The following ABHD3 variants were observed in gnomAD, a reference collection of about 807,000 sequenced individuals.
ABHD3 encodes phospholipase ABHD3.
ABHD3 carries 46 observed loss-of-function variants against 48.8 expected under a neutral mutation model. The observed-to-expected ratio is 0.94, with a 90% confidence interval of 0.74 to 1.20. ABHD3 has a LOEUF of 1.20. Among genes scored for constraint, ABHD3 ranks in the 50% most tolerant of loss-of-function variants. The pLI is 0.00. For synonymous variants in ABHD3, 192 were observed against 183.7 expected (o/e 1.04, Z -0.36); for missense variants, 490 against 497.8 (o/e 0.98, Z 0.15).
At chr18:21,672,765 T>C (rs1042230286) in intron 4 of ABHD3, among the ~76,000 whole-genome samples, 3 of 152,318 alleles carry the variant, frequency 2.0e-5, no homozygotes, top group South Asian at 2.1e-4. Context: ...GTTAATTAAA[T>C]AATGAGTCAG....
intron 3 of ABHD3, among the ~76,000 whole-genome samples, chr18:21,689,752 C>T (rs983164502): frequency 6.8e-6 from 1 of 146,940 alleles, no homozygotes; most frequent in Admixed American, 6.8e-5. Flanking sequence ...ATATGTGAAA[C>T]ACACTACAAG....
rs1265649989 is a variant in ABHD3, at chr18:21,651,407, T to C, written c.*184A>G. ...ATCTACGTAAGTAACAATCTAATACTATATTTAATTTGTTGCTACAAAGTT... is the reference window on the plus strand; with the variant it reads ...ATCTACGTAAGTAACAATCTAATACCATATTTAATTTGTTGCTACAAAGTT... On this transcript the variant is annotated 3_prime_UTR_variant, in exon 9 of 9. Transcript: ENST00000289119. 3.7e-6 allele frequency: 2 copies of C among 547,646 alleles called. No individual in the cohort carries two copies. The highest frequency in any genetic ancestry group is 3.6e-5 in the Admixed American group (1 of 27,522). 33.9% of individuals were successfully genotyped at this position (547,646 alleles called of 1,614,324 possible). A position where few individuals can be genotyped will look rare whatever the true frequency, so the allele number is the denominator to read the frequency against.
At chr18:21,695,429 A>T (rs1454984082) in intron 3 of ABHD3, among the ~76,000 whole-genome samples, 4 of 152,196 alleles carry the variant, frequency 2.6e-5, no homozygotes, top group African/African-American at 9.7e-5. Flanking sequence ...TTAAAGGAAG[A>T]TGGTACCTTT....
chr18:21,673,008 C>T (rs2039789342), intron 4 of ABHD3, among the ~76,000 whole-genome samples: 1 of 152,198 alleles, frequency 6.6e-6, no homozygotes, highest in African/African-American at 2.4e-5. Flanking sequence ...GCCGTGCATG[C>T]TCATGATGTC....
At chr18:21,695,755 G>C (rs1362727158) in intron 3 of ABHD3, among the ~76,000 whole-genome samples, 1 of 152,116 alleles carries the variant, frequency 6.6e-6, no homozygotes, top group Admixed American at 6.6e-5. Context: ...AGAGAAATAA[G>C]TTTATACCGT....
intron 3 of ABHD3, among the ~76,000 whole-genome samples, chr18:21,700,917 C>A (rs78033594): frequency 2.2e-5 from 3 of 136,268 alleles, no homozygotes; most frequent in Non-Finnish European, 3.0e-5. Flanking sequence ...CATGCCACTG[C>A]GCTCCATGCT....
At chr18:21,668,648 C>G (rs1163818431) in intron 4 of ABHD3, among the ~76,000 whole-genome samples, 3 of 152,104 alleles carry the variant, frequency 2.0e-5, no homozygotes, top group Non-Finnish European at 2.9e-5. Context: ...TAATAAGAAC[C>G]TAATTCTTGT....
intron 5 of ABHD3, among the ~76,000 whole-genome samples, chr18:21,661,102 TAAAAA>T (rs35710540): frequency 1.7e-5 from 1 of 57,226 alleles, no homozygotes; most frequent in African/African-American, 7.0e-5. Context: ...AACTACAAGC[TAAAAA>T]AAAAAAAAAA....
chr18:21,703,796 C>G, intron 1 of ABHD3, 49 bp from the exon 2 acceptor site: 17 of 1,580,520 alleles, frequency 1.1e-5, no homozygotes, highest in Non-Finnish European at 1.3e-5. Flanking sequence ...AAGTTTCTGC[C>G]AACCGTAAAC....
chr18:21,659,126 A>C (rs1158898786), intron 6 of ABHD3, 44 bp downstream of exon 6: 22 of 1,581,594 alleles, frequency 1.4e-5, no homozygotes, highest in Non-Finnish European at 1.9e-5. Flanking sequence ...GGCGTGAGCC[A>C]CCGGGCCCGG....
At chr18:21,664,422 T>C in intron 4 of ABHD3, 192 bp from the exon 5 acceptor site, 1 of 534,170 alleles carries the variant, frequency 1.9e-6, no homozygotes, top group Non-Finnish European at 3.2e-6. Flanking sequence ...GTCAGCACAG[T>C]TAGAGTTGGC....
At chr18:21,687,455 C>A (rs2040153077) in intron 3 of ABHD3, among the ~76,000 whole-genome samples, 1 of 152,172 alleles carries the variant, frequency 6.6e-6, no homozygotes, top group African/African-American at 2.4e-5. Context: ...TCGTGATCCA[C>A]CTGCCTTGGC....
chr18:21,666,074 C>T (rs1362498800), intron 4 of ABHD3, among the ~76,000 whole-genome samples: 1 of 151,928 alleles, frequency 6.6e-6, no homozygotes, highest in Non-Finnish European at 1.5e-5. Context: ...CTCTGTCGCC[C>T]AGGCTGGGGT....
chr18:21,681,151 T>G (rs1248990600), intron 4 of ABHD3, among the ~76,000 whole-genome samples: 1 of 152,124 alleles, frequency 6.6e-6, no homozygotes, highest in Non-Finnish European at 1.5e-5. Context: ...TGTCTCTCTC[T>G]TGCTTGCCTA....
chr18:21,680,948 C>CAACTTCTGG (rs1415696178), intron 4 of ABHD3, among the ~76,000 whole-genome samples: 1 of 151,274 alleles, frequency 6.6e-6, no homozygotes, highest in Non-Finnish European at 1.5e-5. Context: ...GGCTGGTCTT[C>CAACTTCTGG]AACTTCTGGG....
At chr18:21,668,424 T>A (rs2039686837) in intron 4 of ABHD3, among the ~76,000 whole-genome samples, 1 of 152,092 alleles carries the variant, frequency 6.6e-6, no homozygotes, top group Admixed American at 6.6e-5. Flanking sequence ...TTTAACTATA[T>A]GTGTATATGT....
chr18:21,657,220 A>G, intron 6 of ABHD3, 68 bp from the exon 7 acceptor site: 4 of 1,435,706 alleles, frequency 2.8e-6, no homozygotes, highest in Middle Eastern at 2.5e-4. Flanking sequence ...AAAGGACTTA[A>G]AAACAAATTA....
intron 5 of ABHD3, among the ~76,000 whole-genome samples, chr18:21,663,307 A>G (rs1198050275): frequency 6.6e-6 from 1 of 152,196 alleles, no homozygotes; most frequent in Non-Finnish European, 1.5e-5. Flanking sequence ...CAGATAAACC[A>G]ATTATAAAAT....
At chr18:21,696,518 ATAT>A (rs1330259896) in intron 3 of ABHD3, among the ~76,000 whole-genome samples, 4 of 152,184 alleles carry the variant, frequency 2.6e-5, no homozygotes, top group South Asian at 2.1e-4. Context: ...AGAAAACAAG[ATAT>A]TATTAATGTA....
Sources: allele counts gnomAD v4.1 joint callset (sites outside exome capture counted in the v4.1 genomes callset), GRCh38; gene constraint gnomAD v4.1.1; transcripts MANE v1.5; gene names NCBI Gene and HGNC (gene_info 2026-07-23, HGNC 2026-07-21).